TPRG1: variants seen among roughly 807,000 people sequenced by gnomAD.
TPRG1 encodes tumor protein p63 regulated 1.
TPRG1 carries 29 observed loss-of-function variants against 29.3 expected under a neutral mutation model. The observed-to-expected ratio is 0.99, with a 90% CI of 0.74 to 1.35. The LOEUF (loss-of-function observed/expected upper bound fraction) is 1.35, where lower values mean the gene tolerates loss of function less well. Among genes scored for constraint, TPRG1 ranks in the 40% most tolerant of loss-of-function variants. The pLI is 0.00. For missense variants in TPRG1, 327 were observed against 335.0 expected, an observed-to-expected ratio of 0.98 and a Z score of 0.19; for synonymous variants, 130 against 116.8, an observed-to-expected ratio of 1.11 and a Z score of -0.73.
intron 4 of TPRG1, among the ~76,000 whole-genome samples, chr3:189,262,312 T>A (rs946387097): frequency 6.6e-6 from 1 of 151,986 alleles, no homozygotes; most frequent in Admixed American, 6.6e-5. Flanking sequence ...ATTGGGTTTT[T>A]TCTGGTGTGG....
intron 4 of TPRG1, among the ~76,000 whole-genome samples, chr3:189,244,654 G>T (rs1162139933): frequency 6.6e-6 from 1 of 152,046 alleles, no homozygotes; most frequent in Non-Finnish European, 1.5e-5. Context: ...GTACCAAGAG[G>T]ATGGCATTAA....
At chr3:189,255,088 C>T (rs1221038493) in intron 4 of TPRG1, among the ~76,000 whole-genome samples, 1 of 152,144 alleles carries the variant, frequency 6.6e-6, no homozygotes, top group Non-Finnish European at 1.5e-5. Flanking sequence ...AGAGGGCATC[C>T]TTGTCCTGTG....
intron 1 of TPRG1, among the ~76,000 whole-genome samples, chr3:189,206,201 T>G (rs1321084705): frequency 6.6e-6 from 1 of 150,736 alleles, no homozygotes; most frequent in Non-Finnish European, 1.5e-5. Context: ...ATAATATTAT[T>G]TATAATATTT....
chr3:189,179,465 T>C (rs1341575868), intron 1 of TPRG1, among the ~76,000 whole-genome samples: 1 of 152,194 alleles, frequency 6.6e-6, no homozygotes, highest in Non-Finnish European at 1.5e-5. Context: ...GGTTTGCCTT[T>C]TGGAAGAGCT....
intron 3 of TPRG1, among the ~76,000 whole-genome samples, chr3:189,141,562 T>C (rs1051022159): frequency 9.2e-5 from 14 of 151,978 alleles, no homozygotes; most frequent in African/African-American, 3.4e-4. Context: ...AATCCAGGGA[T>C]GGGGATAGAT....
intron 4 of TPRG1, among the ~76,000 whole-genome samples, chr3:189,033,811 C>T (rs1367692117): frequency 3.3e-5 from 5 of 151,870 alleles, no homozygotes; most frequent in Non-Finnish European, 7.4e-5. Flanking sequence ...CTCCTGACCT[C>T]GTGATCCACC....
intron 1 of TPRG1, among the ~76,000 whole-genome samples, chr3:188,999,212 G>A (rs555125506): frequency 1.3e-5 from 2 of 152,238 alleles, no homozygotes; most frequent in South Asian, 4.2e-4. Context: ...AAGGAAAGTG[G>A]TTGAAGTTGG....
intron 4 of TPRG1, among the ~76,000 whole-genome samples, chr3:189,052,597 A>G (rs1461497299): frequency 6.6e-6 from 1 of 152,218 alleles, no homozygotes; most frequent in Non-Finnish European, 1.5e-5. Context: ...CTGGGTATCT[A>G]CCAGAGGAAA....
intron 2 of TPRG1, among the ~76,000 whole-genome samples, chr3:189,130,143 G>A (rs185415203): frequency 6.6e-6 from 1 of 152,298 alleles, no homozygotes; most frequent in Admixed American, 6.5e-5. Flanking sequence ...TGATCATGAT[G>A]TATGTACAGA....
At chr3:189,159,041 A>T (rs1317288640) in intron 5 of TPRG1, among the ~76,000 whole-genome samples, 1 of 151,214 alleles carries the variant, frequency 6.6e-6, no homozygotes, top group Non-Finnish European at 1.5e-5. Context: ...TGTCTCCGGG[A>T]TTTTCTTTGG....
chr3:189,034,453 G>C (rs1714131631), intron 4 of TPRG1, among the ~76,000 whole-genome samples: 1 of 152,088 alleles, frequency 6.6e-6, no homozygotes, highest in Non-Finnish European at 1.5e-5. Context: ...ATGGAGACAA[G>C]TTATCATTGT....
At chr3:189,058,046 C>A (rs530302260) in intron 4 of TPRG1, among the ~76,000 whole-genome samples, 11 of 151,590 alleles carry the variant, frequency 7.3e-5, no homozygotes, top group Non-Finnish European at 1.5e-4. Context: ...TTTTCTGGAC[C>A]TCCACCATCT....
At chr3:189,021,971 T>C (rs1713341227) in intron 3 of TPRG1, among the ~76,000 whole-genome samples, 1 of 152,230 alleles carries the variant, frequency 6.6e-6, no homozygotes, top group Admixed American at 6.5e-5. Context: ...TCTTGCTTCA[T>C]TTCATTCATT....
At chr3:189,260,077 A>G (rs1367673360) in intron 4 of TPRG1, among the ~76,000 whole-genome samples, 3 of 152,162 alleles carry the variant, frequency 2.0e-5, no homozygotes, top group Non-Finnish European at 2.9e-5. Flanking sequence ...ACAGGGAGTC[A>G]ATCCAGATTT....
intron 4 of TPRG1, among the ~76,000 whole-genome samples, chr3:189,082,033 G>A (rs896076913): frequency 2.6e-5 from 4 of 152,206 alleles, no homozygotes; most frequent in African/African-American, 9.6e-5. Context: ...CTTCAGCTTA[G>A]TGGACAACAT....
intron 4 of TPRG1, among the ~76,000 whole-genome samples, chr3:189,087,339 A>G (rs917553701): frequency 6.6e-6 from 1 of 152,046 alleles, no homozygotes; most frequent in East Asian, 1.9e-4. Flanking sequence ...CCTTTGCCCA[A>G]TTTTTGATGG....
chr3:189,291,912 A>G (rs539665647), intron 4 of TPRG1, among the ~76,000 whole-genome samples: 1 of 152,304 alleles, frequency 6.6e-6, no homozygotes, highest in Non-Finnish European at 1.5e-5. Context: ...TCTGGCTGCT[A>G]CTGCAGAGAC....
At chr3:189,263,149 A>G (rs1218041452) in intron 4 of TPRG1, among the ~76,000 whole-genome samples, 1 of 152,256 alleles carries the variant, frequency 6.6e-6, no homozygotes, top group Non-Finnish European at 1.5e-5. Context: ...ACTGGGAAGT[A>G]GGCATTATTA....
chr3:189,000,328 C>A (rs58644051), intron 1 of TPRG1, among the ~76,000 whole-genome samples: 6,464 of 152,032 alleles, frequency 0.043, 447 homozygotes, highest in African/African-American at 0.15. Flanking sequence ...AAACATCAAC[C>A]ATATTTTTAA....
Sources: gnomAD v4.1 joint callset for allele counts (sites outside exome capture counted in the v4.1 genomes callset) on GRCh38, gnomAD v4.1.1 for gene constraint, MANE v1.5 for transcripts, NCBI Gene and HGNC (gene_info 2026-07-23, HGNC 2026-07-21) for gene names.